GRHL2: variants seen among roughly 807,000 people sequenced by gnomAD.
GRHL2 encodes the protein grainyhead like transcription factor 2, also known as grainyhead-like protein 2 homolog.
Under a neutral mutation model 83.8 loss-of-function variants are expected in GRHL2, and 21 were observed. That is an observed-to-expected ratio of 0.25 (90% confidence interval 0.18 to 0.36). GRHL2 has a LOEUF of 0.36. GRHL2 is among the 10% of genes least tolerant of loss of function. The probability of loss-of-function intolerance (pLI) is 1.00; values close to 1 mark genes in which losing one functional copy is unlikely to be tolerated. For missense variants in GRHL2, 623 were observed against 781.8 expected, an observed-to-expected ratio of 0.80 and a Z score of 2.42; for synonymous variants, 280 against 278.9, an observed-to-expected ratio of 1.00 and a Z score of -0.04.
At chr8:101,521,810 TA>T (rs1398650220) in intron 1 of GRHL2, among the ~76,000 whole-genome samples, 1 of 152,258 alleles carries the variant, frequency 6.6e-6, no homozygotes, top group African/African-American at 2.4e-5. Flanking sequence ...AATTTTTTGT[TA>T]GCTTTTAGAG....
chr8:101,628,311 A>G (rs546222050), intron 9 of GRHL2, among the ~76,000 whole-genome samples: 7 of 152,092 alleles, frequency 4.6e-5, no homozygotes, highest in Admixed American at 1.3e-4. Flanking sequence ...ATCTTGCTAT[A>G]TCTAGTCTGC....
rs764478711 is a variant in GRHL2, at chr8:101,619,643, T to C, written c.1203T>C (p.Arg401=). 2 of 1,613,312 alleles carry C rather than the reference T, an allele frequency of 1.2e-6. No individual in the cohort carries two copies. Among genetic ancestry groups the C allele is most frequent in the Non-Finnish European group, 1.7e-6 (2 of 1,179,314 alleles). The change falls in exon 9 of 16, where the codon CGT becomes CGC. Residue 401 remains arginine, a synonymous_variant. Coordinates refer to ENST00000646743, the MANE Select transcript of GRHL2 (RefSeq NM_024915.4). ...TTGACACATACAGTTATAACAATCG[T>C]AGCAATAAACCCATTCATAGAGCTT... is the stretch of plus-strand genomic sequence containing the variant. The part of the protein sequence containing the change: ...IQIDTYSYNN[R]SNKPIHRAYC...
chr8:101,532,575 C>G (rs754421087), intron 1 of GRHL2, among the ~76,000 whole-genome samples: 1 of 151,998 alleles, frequency 6.6e-6, no homozygotes, highest in African/African-American at 2.4e-5. Context: ...CATGGTGAAA[C>G]CCTGTCTCTA....
chr8:101,533,262 G>A (rs1810975963), intron 1 of GRHL2, among the ~76,000 whole-genome samples: 1 of 152,082 alleles, frequency 6.6e-6, no homozygotes, highest in East Asian at 1.9e-4. Flanking sequence ...ACTTACATTT[G>A]CATAGCACTT....
At chr8:101,673,745 A>G (rs1333064603), downstream of GRHL2, among the ~76,000 whole-genome samples, 1 of 152,064 alleles carries the variant, frequency 6.6e-6, no homozygotes, top group Non-Finnish European at 1.5e-5. Flanking sequence ...CCAAATCAAC[A>G]GAATATACAT....
chr8:101,552,849 A>G (rs980722862), intron 3 of GRHL2, 67 bp downstream of exon 3: 3 of 1,468,416 alleles, frequency 2.0e-6, no homozygotes, highest in Admixed American at 1.9e-5. Flanking sequence ...ATTAAACTGT[A>G]TGTTTTGTTC....
chr8:101,511,016 G>A (rs534341957), intron 1 of GRHL2, among the ~76,000 whole-genome samples: 4 of 152,200 alleles, frequency 2.6e-5, no homozygotes, highest in African/African-American at 9.6e-5. Context: ...CAAGAGAATC[G>A]CTTGAACCTG....
chr8:101,624,922 T>C (rs1024324847), intron 9 of GRHL2, among the ~76,000 whole-genome samples: 6 of 152,048 alleles, frequency 3.9e-5, no homozygotes, highest in African/African-American at 1.4e-4. Context: ...ACTTTATACA[T>C]AAAATACCGA....
chr8:101,516,910 G>A (rs896457381), intron 1 of GRHL2, among the ~76,000 whole-genome samples: 1 of 152,158 alleles, frequency 6.6e-6, no homozygotes, highest in Non-Finnish European at 1.5e-5. Context: ...CCAGTGAAAA[G>A]CCTGGGCATT....
At chr8:101,503,887 T>C (rs1810282313) in intron 1 of GRHL2, among the ~76,000 whole-genome samples, 1 of 151,972 alleles carries the variant, frequency 6.6e-6, no homozygotes, top group Admixed American at 6.5e-5. Flanking sequence ...TTTTCTCTCT[T>C]AAGTATAAAA....
intron 2 of GRHL2, among the ~76,000 whole-genome samples, chr8:101,548,459 G>A (rs1306961206): frequency 6.6e-6 from 1 of 152,218 alleles, no homozygotes; most frequent in Non-Finnish European, 1.5e-5. Flanking sequence ...CTGCCACAGA[G>A]TAGAGGATGA....
the GRHL2 span, among the ~76,000 whole-genome samples, chr8:101,676,539 A>C: frequency 2.0e-5 from 3 of 152,192 alleles, no homozygotes; most frequent in African/African-American, 7.2e-5. Context: ...TAGAATGGCG[A>C]TCATTCAAAA....
chr8:101,499,551 T>C (rs1260863825), intron 1 of GRHL2, among the ~76,000 whole-genome samples: 3 of 152,224 alleles, frequency 2.0e-5, no homozygotes, highest in Non-Finnish European at 4.4e-5. Context: ...TTTGCTGCAT[T>C]CTTTCAGTAT....
intron 14 of GRHL2, among the ~76,000 whole-genome samples, chr8:101,663,672 T>TAATTTGAA (rs911684460): frequency 1.3e-5 from 2 of 151,998 alleles, no homozygotes; most frequent in Non-Finnish European, 2.9e-5. Flanking sequence ...TACTTTGCTT[T>TAATTTGAA]AATTTGAAAA....
At chr8:101,656,905 C>CACACACACACACACACACACACACAG (rs1554597412) in intron 14 of GRHL2, among the ~76,000 whole-genome samples, 4 of 149,682 alleles carry the variant, frequency 2.7e-5, no homozygotes, top group African/African-American at 9.9e-5. Flanking sequence ...CACACACACA[C>CACACACACACACACACACACACACAG]AGGCAATGAC....
At position 101,582,237 on chromosome 8, in the gene GRHL2, CA is replaced by C. The variant is rs4002335; in HGVS notation, c.1003+4733del. Among the ~76,000 whole-genome samples, 342 of 134,840 alleles carry C rather than the reference CA, an allele frequency of 2.5e-3. 5 individuals carry two copies. In the East Asian group the frequency reaches 0.06, roughly 24 times the overall value. The allele number at this position is 134,840 out of a possible 152,430, so 88.5% of individuals were successfully genotyped here. On this transcript the variant is annotated intron_variant, in intron 7 of 15. Transcript: ENST00000646743. The stretch of plus-strand genomic sequence containing the variant: ...TGAGCAACAGAGCAAGACTCCGTCT[CA>C]AAAAAAAAAAAAAATGGGACTGACA...
chr8:101,523,543 A>G (rs1810736518), intron 1 of GRHL2, among the ~76,000 whole-genome samples: 1 of 151,054 alleles, frequency 6.6e-6, no homozygotes, highest in Non-Finnish European at 1.5e-5. Context: ...GTGGCACATC[A>G]CGGCTCACTG....
intron 1 of GRHL2, among the ~76,000 whole-genome samples, chr8:101,518,940 A>G (rs927641421): frequency 7.2e-5 from 11 of 152,122 alleles, no homozygotes; most frequent in African/African-American, 2.4e-4. Flanking sequence ...TTGGTATGAA[A>G]ATCTTCCATT....
At chr8:101,680,352 G>C in the GRHL2 span, among the ~76,000 whole-genome samples, 1 of 144,346 alleles carries the variant, frequency 6.9e-6, no homozygotes. Context: ...ATGGTAAAGG[G>C]ATCAATTCAA....
Sources: allele counts gnomAD v4.1 joint callset (sites outside exome capture counted in the v4.1 genomes callset), GRCh38; gene constraint gnomAD v4.1.1; transcripts MANE v1.5; gene names NCBI Gene and HGNC (gene_info 2026-07-23, HGNC 2026-07-21).